CADM2: variants seen among roughly 807,000 people sequenced by gnomAD.
The protein encoded by CADM2 is immunoglobulin superfamily member 4D.
Under a neutral mutation model 49.8 loss-of-function variants are expected in CADM2, and 12 were observed. The observed-to-expected ratio is 0.24, with a 90% confidence interval of 0.15 to 0.39. The LOEUF (loss-of-function observed/expected upper bound fraction) is 0.39. Ranked by LOEUF, CADM2 falls within the 10% of genes least tolerant of loss-of-function variation. The probability of loss-of-function intolerance (pLI) is 1.00; values close to 1 mark genes in which losing one functional copy is unlikely to be tolerated. For synonymous variants in CADM2, 214 were observed against 175.4 expected, an observed-to-expected ratio of 1.22 and a Z score of -1.74; for missense variants, 378 against 492.3, an observed-to-expected ratio of 0.77 and a Z score of 2.20.
At chr3:85,233,904 A>T (rs375892197) in intron 1 of CADM2, among the ~76,000 whole-genome samples, 1 of 152,140 alleles carries the variant, frequency 6.6e-6, no homozygotes, top group East Asian at 1.9e-4. Context: ...TGCATATTTA[A>T]TTCTACAAAT....
intron 8 of CADM2, among the ~76,000 whole-genome samples, chr3:86,040,000 C>T (rs1260237919): frequency 6.6e-6 from 1 of 152,158 alleles, no homozygotes; most frequent in Non-Finnish European, 1.5e-5. Context: ...CAGCAAACTC[C>T]AACAGACCTG....
chr3:84,968,755 A>G (rs2107077311), intron 1 of CADM2, among the ~76,000 whole-genome samples: 1 of 152,154 alleles, frequency 6.6e-6, no homozygotes, highest in South Asian at 2.1e-4. Flanking sequence ...ATTGTTCCTA[A>G]GTCAATACTC....
At chr3:85,426,972 C>T (rs2036435014) in intron 1 of CADM2, among the ~76,000 whole-genome samples, 1 of 151,724 alleles carries the variant, frequency 6.6e-6, no homozygotes, top group Non-Finnish European at 1.5e-5. Context: ...ACTCCACCTC[C>T]TGAGTTCACA....
intron 1 of CADM2, among the ~76,000 whole-genome samples, chr3:84,967,627 T>A (rs1273218169): frequency 6.6e-6 from 1 of 152,118 alleles, no homozygotes; most frequent in Non-Finnish European, 1.5e-5. Flanking sequence ...TCTCCAGGAA[T>A]ATAATATCCC....
chr3:85,568,502 TCTTTCTTTCTTTCCTC>T lies in CADM2; in HGVS notation c.62-158018_62-158003del, dbSNP rs1411598275. On this transcript the variant is annotated intron_variant, in intron 1 of 9. Transcript: ENST00000383699. Reference sequence around the variant, plus strand: ...TTCTTTCTTTCTTTCTTTCTTTCTTTCTTTCTTTCTTTCCTCCCTCCCTCCCTCTCTCTTTTCTTTC... The same window carrying T: ...TTCTTTCTTTCTTTCTTTCTTTCTTTCCTCCCTCCCTCTCTCTTTTCTTTC... 2.0e-4 allele frequency among the ~76,000 whole-genome samples: 9 copies of T among 44,996 alleles called. 2 individuals are homozygous for T. The highest frequency in any genetic ancestry group is 6.5e-4 in the Non-Finnish European group (8 of 12,348). The allele number at this position is 44,996 out of a possible 152,430, so 29.5% of individuals were successfully genotyped here.
chr3:85,487,614 AGGAG>A (rs1022663571), intron 1 of CADM2, among the ~76,000 whole-genome samples: 6 of 148,886 alleles, frequency 4.0e-5, no homozygotes, highest in African/African-American at 1.5e-4. Flanking sequence ...GAGGAGGAGG[AGGAG>A]GAAGTGGAGG....
chr3:85,779,297 C>A (rs1308597522), intron 2 of CADM2, among the ~76,000 whole-genome samples: 3 of 151,944 alleles, frequency 2.0e-5, no homozygotes, highest in Non-Finnish European at 4.4e-5. Flanking sequence ...CTCTTTAAAA[C>A]AATCTTACCA....
At chr3:85,400,285 C>T (rs926894154) in intron 1 of CADM2, among the ~76,000 whole-genome samples, 5 of 152,152 alleles carry the variant, frequency 3.3e-5, no homozygotes, top group Admixed American at 1.3e-4. Flanking sequence ...AGCCTTGCAT[C>T]CCAGGGACGA....
intron 1 of CADM2, among the ~76,000 whole-genome samples, chr3:85,019,035 C>G (rs1273554076): frequency 1.3e-5 from 2 of 152,166 alleles, no homozygotes; most frequent in African/African-American, 2.4e-5. Context: ...CATCATTCCA[C>G]TGGTCAGAAT....
At chr3:85,399,264 G>T (rs920607575) in intron 1 of CADM2, among the ~76,000 whole-genome samples, 3 of 152,142 alleles carry the variant, frequency 2.0e-5, no homozygotes, top group African/African-American at 7.2e-5. Flanking sequence ...CCCATTGCTT[G>T]TTTTTGTCAG....
chr3:85,568,449 T>TTTC, intron 1 of CADM2, among the ~76,000 whole-genome samples: 1 of 27,774 alleles, frequency 3.6e-5, no homozygotes, highest in Non-Finnish European at 7.9e-5. Flanking sequence ...CTTTCTTTCT[T>TTTC]TCTTTCTTTC....
chr3:85,915,267 T>C (rs532135976), intron 6 of CADM2, among the ~76,000 whole-genome samples: 1 of 152,276 alleles, frequency 6.6e-6, no homozygotes, highest in South Asian at 2.1e-4. Context: ...ACATTAAAAA[T>C]GTTACACTTT....
chr3:85,641,817 G>A (rs2064724936), intron 1 of CADM2, among the ~76,000 whole-genome samples: 1 of 151,596 alleles, frequency 6.6e-6, no homozygotes, highest in African/African-American at 2.4e-5. Flanking sequence ...TGTAGTCCCA[G>A]CTACTCGGGA....
At chr3:85,461,974 G>T (rs60189852) in intron 1 of CADM2, among the ~76,000 whole-genome samples, 3,158 of 152,240 alleles carry the variant, frequency 0.021, 105 homozygotes, top group African/African-American at 0.071. Context: ...CTCTAGAAAA[G>T]TGCTCTGATT....
intron 6 of CADM2, among the ~76,000 whole-genome samples, chr3:85,923,454 T>C (rs1355954004): frequency 6.6e-6 from 1 of 151,566 alleles, no homozygotes; most frequent in African/African-American, 2.4e-5. Flanking sequence ...CTAATAATTT[T>C]GGGGTGTCTT....
chr3:86,017,433 G>A (rs1732419608), intron 8 of CADM2, among the ~76,000 whole-genome samples: 1 of 151,860 alleles, frequency 6.6e-6, no homozygotes, highest in Admixed American at 6.6e-5. Context: ...GTACTGTTAG[G>A]AAGAAAAGTA....
Position 85,390,560 on chromosome 3 carries a change from T to C in CADM2, c.62-335962T>C, listed in dbSNP as rs1576468334. 2.0e-5 allele frequency among the ~76,000 whole-genome samples: 3 copies of C among 152,072 alleles called. No homozygotes were observed. The South Asian group carries it at 6.2e-4, about 31-fold the overall frequency. On this transcript the variant is annotated intron_variant, in intron 1 of 9. Transcript: ENST00000383699. ...CAGGCCTGTATCCAATGTCTATTCC[T>C]GTTTTCTCCTCTTTATACTTCACAA...
chr3:85,714,320 C>A (rs1457841308), intron 1 of CADM2, among the ~76,000 whole-genome samples: 1 of 152,162 alleles, frequency 6.6e-6, no homozygotes, highest in Non-Finnish European at 1.5e-5. Flanking sequence ...AACACATGGT[C>A]CTGAGTTTCA....
intron 6 of CADM2, among the ~76,000 whole-genome samples, chr3:85,926,137 A>AAAATAAAT (rs6147941): frequency 0.11 from 16,097 of 143,428 alleles, 1,037 homozygotes; most frequent in African/African-American, 0.16. Context: ...CTCTGTCTCA[A>AAAATAAAT]AAATAAATAA....
Sources: gnomAD v4.1 joint callset for allele counts (sites outside exome capture counted in the v4.1 genomes callset) on GRCh38, gnomAD v4.1.1 for gene constraint, MANE v1.5 for transcripts, NCBI Gene and HGNC (gene_info 2026-07-23, HGNC 2026-07-21) for gene names.